Variants in UPB1 observed in about 807,000 individuals in gnomAD.
UPB1 encodes beta-ureidopropionase.
Under a neutral mutation model 49.1 loss-of-function variants are expected in UPB1, and 40 were observed. The observed-to-expected ratio is 0.81, with a 90% confidence interval of 0.63 to 1.06. The LOEUF is 1.06. Ranked by LOEUF, UPB1 falls within the 50% of genes least tolerant of loss-of-function variation. UPB1 has a pLI of 0.00. For synonymous variants in UPB1, 207 were observed against 198.2 expected, an observed-to-expected ratio of 1.04 and a Z score of -0.38; for missense variants, 499 against 505.9, an observed-to-expected ratio of 0.99 and a Z score of 0.13.
In UPB1 at chr22:24,518,899, G is replaced by T. The variant is rs80032028; in HGVS notation, c.792-1488G>T. 7.2e-3 allele frequency among the ~76,000 whole-genome samples: 1,099 copies of T among 152,124 alleles called. 7 individuals are homozygous for T. The highest frequency in any genetic ancestry group is 0.013 in the Non-Finnish European group (869 of 67,998). On this transcript the variant is annotated intron_variant, in intron 6 of 9. Transcript: ENST00000326010. ...GCACCGCGCTGGGAATATGGCAAAC[G>T]TCCCCACTCCCCATCAGACGTCATG...
chr22:24,513,077 T>G (rs2044234879), intron 4 of UPB1, among the ~76,000 whole-genome samples: 1 of 152,208 alleles, frequency 6.6e-6, no homozygotes, highest in South Asian at 2.1e-4. Flanking sequence ...TTGTTTAATT[T>G]TTTGAGGAAC....
intron 3 of UPB1, among the ~76,000 whole-genome samples, chr22:24,509,043 T>A (rs1030354281): frequency 6.6e-6 from 1 of 151,726 alleles, no homozygotes; most frequent in Admixed American, 6.6e-5. Context: ...AACAAAAAAA[T>A]GTAGGGGAGG....
intron 2 of UPB1, among the ~76,000 whole-genome samples, chr22:24,500,827 G>A (rs894488296): frequency 2.0e-5 from 3 of 152,182 alleles, no homozygotes; most frequent in Non-Finnish European, 4.4e-5. Flanking sequence ...TGTCACAGGC[G>A]CAGGTGGTTT....
At chr22:24,511,455 T>C (rs191304350) in intron 4 of UPB1, among the ~76,000 whole-genome samples, 13 of 151,962 alleles carry the variant, frequency 8.6e-5, no homozygotes, top group African/African-American at 3.1e-4. Context: ...TAAAATTAGA[T>C]AGTGGTGAAG....
intron 3 of UPB1, among the ~76,000 whole-genome samples, chr22:24,504,303 A>T (rs1808593248): frequency 6.6e-6 from 1 of 152,184 alleles, no homozygotes; most frequent in Non-Finnish European, 1.5e-5. Flanking sequence ...TCCTTCTACA[A>T]TTTTCTTGAT....
chr22:24,519,132 A>C (rs1568994098), intron 6 of UPB1, among the ~76,000 whole-genome samples: 1 of 152,182 alleles, frequency 6.6e-6, no homozygotes, highest in Non-Finnish European at 1.5e-5. Context: ...TGTAAAAATC[A>C]TTTCTGAAAA....
At chr22:24,506,435 ATCT>A (rs1462412762) in intron 3 of UPB1, among the ~76,000 whole-genome samples, 1 of 152,058 alleles carries the variant, frequency 6.6e-6, no homozygotes, top group Non-Finnish European at 1.5e-5. Context: ...TAAGCAGGAG[ATCT>A]TCTCTACTGC....
At chr22:24,502,607 T>G in intron 3 of UPB1, 1 of 710,524 alleles carries the variant, frequency 1.4e-6, no homozygotes, top group South Asian at 1.6e-5. Flanking sequence ...GTATGTACCT[T>G]TGTGGTTTTT....
At chr22:24,496,416 C>CACACACACACACAT (rs2043887240) in intron 1 of UPB1, among the ~76,000 whole-genome samples, 5 of 144,696 alleles carry the variant, frequency 3.5e-5, no homozygotes, top group African/African-American at 1.1e-4. Context: ...CACACACACA[C>CACACACACACACAT]ACACACACAC....
At position 24,495,517 on chromosome 22, in the gene UPB1, C is replaced by G; in HGVS notation, c.104+10C>G. ...ATGGCAAGGAACTCAGGTCCGCAGC[C>G]AAGAGGCTAAGCTAATGGGGTCTTG... On this transcript the variant is annotated intron_variant, in intron 1 of 9. Coordinates refer to ENST00000326010, the MANE Select transcript of UPB1 (RefSeq NM_016327.3). The G allele has an allele frequency of 6.2e-7, 1 of 1,613,750 alleles. No homozygotes were observed. Among genetic ancestry groups the G allele is most frequent in the Non-Finnish European group, 8.5e-7 (1 of 1,179,938 alleles).
intron 3 of UPB1, among the ~76,000 whole-genome samples, chr22:24,506,015 A>C (rs2044083494): frequency 9.6e-6 from 1 of 104,490 alleles, no homozygotes; most frequent in Admixed American, 1.2e-4. Flanking sequence ...GCCTGGCCCT[A>C]ACTGCATTTT....
At chr22:24,521,883 CGCCTCTCG>C (rs2044399694) in intron 7 of UPB1, 95 bp from the exon 8 acceptor site, 2 of 1,222,934 alleles carry the variant, frequency 1.6e-6, no homozygotes, top group Non-Finnish European at 2.4e-6. Context: ...CTGGCTGACT[CGCCTCTCG>C]GCCTGATTGC....
chr22:24,497,845 TTTCC>T (rs1421109146), intron 1 of UPB1, among the ~76,000 whole-genome samples: 4 of 152,148 alleles, frequency 2.6e-5, no homozygotes, highest in Admixed American at 2.6e-4. Flanking sequence ...TGTGTGTCTG[TTTCC>T]CCAAAGGTCT....
chr22:24,495,418 G>GTGGA lies in UPB1; in HGVS notation c.16_19dup (p.Lys7MetfsTer33). ...GGACCGTGGCCATGGCGGGCGCTGA[G>GTGGA]TGGAAGTCGCTGGAGGAATGCTTGG... On this transcript the variant is annotated frameshift_variant, in exon 1 of 10. Coordinates refer to ENST00000326010, the MANE Select transcript of UPB1 (RefSeq NM_016327.3). LOFTEE classifies it high-confidence loss of function. The GTGGA allele has an allele frequency of 6.2e-7, 1 of 1,613,398 alleles. No homozygotes were observed. The highest frequency in any genetic ancestry group is 8.5e-7 in the Non-Finnish European group (1 of 1,180,030).
At chr22:24,499,689 G>T (rs754928087) in intron 1 of UPB1, among the ~76,000 whole-genome samples, 1 of 152,098 alleles carries the variant, frequency 6.6e-6, no homozygotes, top group Admixed American at 6.6e-5. Context: ...CAAGCCCCTC[G>T]GCTCCCACAG....
At position 24,528,223 on chromosome 22, in the gene UPB1, C is replaced by A. The variant is rs1334587001; in HGVS notation, c.*2429C>A. 1 of 152,228 alleles carries A rather than the reference C, an allele frequency of 6.6e-6. No homozygotes were observed. The highest frequency in any genetic ancestry group is 1.9e-4 in the East Asian group (1 of 5,204). 9.4% of individuals were successfully genotyped at this position (152,228 alleles called of 1,614,324 possible). On this transcript the variant is annotated 3_prime_UTR_variant, in exon 10 of 10. Coordinates refer to ENST00000326010, the MANE Select transcript of UPB1 (RefSeq NM_016327.3). ...GTGACAAATTGGTACATTTGTGAAA[C>A]AGGCATGAATAAATGGACCACAACT...
chr22:24,525,583 C>T (rs1440428269), intron 9 of UPB1, 128 bp from the exon 10 acceptor site: 2 of 1,070,268 alleles, frequency 1.9e-6, no homozygotes, highest in African/African-American at 1.6e-5. Context: ...CAAGAGGTCA[C>T]TGTCAACGAG....
chr22:24,509,324 T>C (rs1330351219), intron 3 of UPB1, among the ~76,000 whole-genome samples: 1 of 136,880 alleles, frequency 7.3e-6, no homozygotes, highest in African/African-American at 2.9e-5. Flanking sequence ...GACCAGTATC[T>C]TTGAACTGTT....
At chr22:24,500,529 C>A (rs1292679942) in intron 2 of UPB1, among the ~76,000 whole-genome samples, 1 of 152,262 alleles carries the variant, frequency 6.6e-6, no homozygotes, top group African/African-American at 2.4e-5. Context: ...AGCTATTGAT[C>A]TGAAGCTCCA....
Sources: allele counts gnomAD v4.1 joint callset (sites outside exome capture counted in the v4.1 genomes callset), GRCh38; gene constraint gnomAD v4.1.1; transcripts MANE v1.5; gene names NCBI Gene and HGNC (gene_info 2026-07-23, HGNC 2026-07-21).